The following DCP1B variants were observed in gnomAD, a reference collection of about 807,000 sequenced individuals.
DCP1B encodes the protein mRNA-decapping enzyme 1B.
A neutral mutation model predicts 60.5 loss-of-function variants in DCP1B; 47 were observed. The ratio of observed to expected loss-of-function variants is 0.78; its 90% CI spans 0.61 to 0.99. DCP1B has a LOEUF of 0.99. DCP1B is among the 50% of genes least tolerant of loss of function. The probability of loss-of-function intolerance (pLI) is 0.00; values close to 1 mark genes in which losing one functional copy is unlikely to be tolerated. For missense variants in DCP1B, 725 were observed against 756.8 expected (o/e 0.96, Z 0.49); for synonymous variants, 267 against 280.3 (o/e 0.95, Z 0.47).
At chr12:1,985,263 G>T (rs140791656) in intron 3 of DCP1B, among the ~76,000 whole-genome samples, 79 of 152,038 alleles carry the variant, frequency 5.2e-4, no homozygotes, top group African/African-American at 1.8e-3. Context: ...TTCTGATATT[G>T]CCCCACGGAT....
Position 1,967,887 on chromosome 12 carries a change from A to G in DCP1B, c.343T>C (p.Tyr115His). 1 of 1,613,250 alleles carries G rather than the reference A, an allele frequency of 6.2e-7. No individual in the cohort carries two copies. The change falls in exon 4 of 9, where the codon TAT (tyrosine) becomes CAT (histidine). Residue 115 changes from tyrosine to histidine, a missense_variant. Coordinates refer to ENST00000280665, the MANE Select transcript of DCP1B (RefSeq NM_152640.5). ...ARLSIYGIWF[Y>H]DKEECQRIAE... ...ATTCTTTGGCATTCTTCCTTATCAT[A>G]AAACCAAATTCCATAGATGGACACT...
intron 3 of DCP1B, among the ~76,000 whole-genome samples, chr12:1,970,593 G>T (rs541307715): frequency 3.4e-4 from 51 of 152,236 alleles, no homozygotes; most frequent in Middle Eastern, 6.8e-3. Flanking sequence ...TAGCCCTAAG[G>T]TCTACCAACC....
At chr12:1,957,591 T>G (rs2030931217) in intron 5 of DCP1B, among the ~76,000 whole-genome samples, 1 of 152,238 alleles carries the variant, frequency 6.6e-6, no homozygotes, top group Non-Finnish European at 1.5e-5. Flanking sequence ...TTCTGAATAC[T>G]CCAAGCTTAA....
At position 1,946,236 on chromosome 12, in the gene DCP1B, CA is replaced by C; in HGVS notation, c.1823del (p.Met608ArgfsTer6). 6.8e-6 allele frequency: 11 copies of C among 1,606,670 alleles called. No homozygotes were observed. The highest frequency in any genetic ancestry group is 9.3e-6 in the Non-Finnish European group (11 of 1,177,264). On this transcript the variant is annotated frameshift_variant, in exon 9 of 9. Coordinates refer to ENST00000280665, the MANE Select transcript of DCP1B (RefSeq NM_152640.5). LOFTEE classifies it high-confidence loss of function. ...TAGTCTTTTTCATGGCTGCTTGAGT[CA>C]TGCTGAAGAGATAGGCTTCATAGAT... ...NIIYEAYLFS[M>X]TQAAMKKTM
rs1442121965 is a variant in DCP1B at position 1,962,429 on chromosome 12, A to T, written c.522+3129T>A. Among the ~76,000 whole-genome samples the T allele has an allele frequency of 1.3e-5, 2 of 152,168 alleles. No homozygotes were observed. Among genetic ancestry groups the T allele is most frequent in the Admixed American group, 1.3e-4 (2 of 15,288 alleles). On this transcript the variant is annotated intron_variant, in intron 5 of 8. Transcript: ENST00000280665. This position sits in a 1 kb window ranked among gnomAD's most constrained non-coding sequence, Gnocchi z 4.4. ...ATAAAAAACAGAAACAATACAAGGT[A>T]TGTGTGTGTTGAGAGGAGGGAGGGA... is the stretch of plus-strand genomic sequence containing the variant.
intron 2 of DCP1B, among the ~76,000 whole-genome samples, chr12:1,995,226 C>A (rs979128606): frequency 1.1e-4 from 17 of 151,934 alleles, no homozygotes; most frequent in African/African-American, 3.9e-4. Context: ...TAAAAAAAAA[C>A]CCTACTAAAA....
In DCP1B at chr12:2,004,451, T is replaced by A. The variant is rs376554458; in HGVS notation, c.-20A>T. 5.0e-6 allele frequency: 8 copies of A among 1,596,930 alleles called. No individual in the cohort carries two copies. The Admixed American group carries it at 8.5e-5, about 17-fold the overall frequency. On this transcript the variant is annotated 5_prime_UTR_variant, in exon 1 of 9. It removes an upstream start codon present in the reference 5' UTR. Coordinates refer to ENST00000280665, the MANE Select transcript of DCP1B (RefSeq NM_152640.5). ...TGCCATCTTCCCTCCCTCCCAGACA[T>A]AGGCACGGGGCTCTTGGAAGCCACT...
chr12:1,986,208 T>C (rs770495808), intron 3 of DCP1B, among the ~76,000 whole-genome samples: 10 of 152,216 alleles, frequency 6.6e-5, no homozygotes, highest in Non-Finnish European at 8.8e-5. Context: ...TTCTCAAAGC[T>C]GTTGTTATTT....
intron 3 of DCP1B, among the ~76,000 whole-genome samples, chr12:1,987,644 G>C (rs2038177744): frequency 6.6e-6 from 1 of 151,950 alleles, no homozygotes; most frequent in Non-Finnish European, 1.5e-5. Flanking sequence ...TATCATGTAT[G>C]TACCATTTCT....
chr12:1,953,743 G>T (rs2030778660), intron 6 of DCP1B, among the ~76,000 whole-genome samples: 2 of 152,246 alleles, frequency 1.3e-5, no homozygotes, highest in Admixed American at 1.3e-4. Flanking sequence ...AGAAACGGAA[G>T]ACTTTAAATC....
At chr12:1,946,622 G>A (rs2030434561) in intron 8 of DCP1B, among the ~76,000 whole-genome samples, 1 of 152,240 alleles carries the variant, frequency 6.6e-6, no homozygotes, top group Non-Finnish European at 1.5e-5. Flanking sequence ...CCAGCAGACA[G>A]AGGAGTTAGG....
At chr12:1,976,297 G>A (rs1017081303) in intron 3 of DCP1B, among the ~76,000 whole-genome samples, 12 of 152,124 alleles carry the variant, frequency 7.9e-5, no homozygotes, top group Admixed American at 2.0e-4. Flanking sequence ...TTTTTCAGTC[G>A]GAATGGCAAA....
At chr12:1,988,529 T>C (rs117366532) in intron 3 of DCP1B, among the ~76,000 whole-genome samples, 4,160 of 152,346 alleles carry the variant, frequency 0.027, 95 homozygotes, top group Middle Eastern at 0.054. Flanking sequence ...GCAACGCTCA[T>C]GTTTGTGAAC....
chr12:1,961,213 T>C (rs2031112725), intron 5 of DCP1B: 1 of 152,234 alleles, frequency 6.6e-6, no homozygotes, highest in Admixed American at 6.5e-5. Flanking sequence ...GTATTCTGTT[T>C]GGCAGGAGTT....
intron 1 of DCP1B, among the ~76,000 whole-genome samples, chr12:2,001,022 A>G (rs1168741529): frequency 6.9e-6 from 1 of 145,516 alleles, no homozygotes; most frequent in Non-Finnish European, 1.5e-5. Context: ...GGGGAACAAG[A>G]GCGAGACTTC....
chr12:1,952,649 T>C lies in DCP1B; in HGVS notation c.1291A>G (p.Arg431Gly), dbSNP rs1366863034. The stretch of plus-strand genomic sequence containing the variant: ...CTACCAGAGATGGGGAGTGTTTGTC[T>C]TGGGAGTGTGGACTGTTCTCTTCCA... ...AHGREQSTLP[R>G]QTLPISGSQT... is the part of the protein sequence containing the mutation. The change falls in exon 7 of 9, where the codon AGA (arginine) becomes GGA (glycine). Residue 431 changes from arginine (R) to glycine (G), a missense_variant. Coordinates refer to ENST00000280665, the MANE Select transcript of DCP1B (RefSeq NM_152640.5). The C allele has an allele frequency of 6.2e-7, 1 of 1,614,060 alleles. No homozygotes were observed. The highest frequency in any genetic ancestry group is 8.5e-7 in the Non-Finnish European group (1 of 1,180,038).
At chr12:1,950,100 T>C in intron 7 of DCP1B, 1 of 516,464 alleles carries the variant, frequency 1.9e-6, no homozygotes, top group East Asian at 2.9e-5. Context: ...GAATGTTATT[T>C]ATCAGCCTCC....
chr12:1,984,416 A>G (rs1239456887), intron 3 of DCP1B, among the ~76,000 whole-genome samples: 2 of 152,024 alleles, frequency 1.3e-5, no homozygotes, highest in Admixed American at 6.6e-5. Context: ...AAGAAATACA[A>G]TATACATATC....
chr12:1,998,039 C>T, intron 1 of DCP1B, 64 bp from the exon 2 acceptor site: 1 of 1,424,146 alleles, frequency 7.0e-7, no homozygotes. Context: ...AGGTATAAAA[C>T]AAATTCTCAT....
Sources: allele counts gnomAD v4.1 joint callset (sites outside exome capture counted in the v4.1 genomes callset), GRCh38; gene constraint gnomAD v4.1.1; non-coding constraint Gnocchi (gnomAD v3.1); transcripts MANE v1.5; gene names NCBI Gene and HGNC (gene_info 2026-07-23, HGNC 2026-07-21).